Variants in IGSF3 observed in about 807,000 individuals in gnomAD.
IGSF3 encodes the protein glu-Trp-Ile EWI motif-containing protein 3.
IGSF3 carries 23 observed loss-of-function variants against 114.4 expected under a neutral mutation model. The ratio of observed to expected loss-of-function variants is 0.20; its 90% confidence interval spans 0.14 to 0.28. The LOEUF (loss-of-function observed/expected upper bound fraction) is 0.28. IGSF3 is among the 10% of genes least tolerant of loss of function. IGSF3 has a pLI of 1.00. For missense variants in IGSF3, 1,172 were observed against 1,591.5 expected, an observed-to-expected ratio of 0.74 and a Z score of 4.48; for synonymous variants, 571 against 645.2, an observed-to-expected ratio of 0.88 and a Z score of 1.74.
chr1:116,574,399 A>C (rs1226246560), downstream of IGSF3: 1 of 152,660 alleles, frequency 6.6e-6, no homozygotes, highest in Non-Finnish European at 1.5e-5. The surrounding 1 kb of genome is among the most constrained non-coding windows in gnomAD (Gnocchi z 5.2). Flanking sequence ...CAGTAAATGT[A>C]AACAGCCGTA....
chr1:116,603,921 G>A lies in IGSF3; in HGVS notation c.1327C>T (p.Arg443Cys), dbSNP rs777898801. The change falls in exon 6 of 11, where the codon CGC (arginine) becomes TGC (cysteine). Residue 443 changes from arginine (R) to cysteine (C), a missense_variant. By Grantham distance (180) the Arg-to-Cys change is radical. Transcript: ENST00000369486. This position sits in a 1 kb window ranked among gnomAD's most constrained non-coding sequence, Gnocchi z 7.1. The part of the protein sequence containing the change: ...SVRTAGRPQG[R>C]FSVIWQLVDR... The stretch of plus-strand genomic sequence containing the variant: ...ACAAGCTGCCAGATGACAGAGAAGC[G>A]ACCCTGCGGCCTGCCTGCCGTGCGG... The A allele has an allele frequency of 6.2e-6, 10 of 1,614,020 alleles. No individual in the cohort carries two copies. Among genetic ancestry groups the A allele is most frequent in the Admixed American group, 1.7e-5 (1 of 60,018 alleles).
rs1660435778 is a variant in IGSF3, at chr1:116,598,506, C to T, written c.2029+1435G>A. ...CAACTCACTTGTTCCAAATCTGGTACAGAACAGAACTCTGTTATGGGGTTA... is the reference window on the plus strand; with the variant it reads ...CAACTCACTTGTTCCAAATCTGGTATAGAACAGAACTCTGTTATGGGGTTA... On this transcript the variant is annotated intron_variant, in intron 7 of 10. Transcript: ENST00000369486. This position sits in a 1 kb window ranked among gnomAD's most constrained non-coding sequence, Gnocchi z 4.3. 6.6e-6 allele frequency among the ~76,000 whole-genome samples: 1 copy of T among 152,154 alleles called. No homozygotes were observed. The highest frequency in any genetic ancestry group is 2.4e-5 in the African/African-American group (1 of 41,444).
At chr1:116,581,673 C>T (rs867621202) in intron 9 of IGSF3, among the ~76,000 whole-genome samples, 1 of 152,224 alleles carries the variant, frequency 6.6e-6, no homozygotes, top group Non-Finnish European at 1.5e-5. Context: ...TCTCAGTGTG[C>T]ACTGCTGGCA....
chr1:116,666,614 A>ATTGTGTGCC lies in IGSF3; in HGVS notation c.-289_-288insGGCACACAA. 1.7e-6 allele frequency: 1 copy of ATTGTGTGCC among 595,264 alleles called. No individual in the cohort carries two copies. Among genetic ancestry groups the ATTGTGTGCC allele is most frequent in the Non-Finnish European group, 3.0e-6 (1 of 335,622 alleles). The allele number at this position is 595,264 out of a possible 1,614,324, so 36.9% of individuals were successfully genotyped here. ...CGTGTGCCTTGCAGTTTCCACTGAAATTGCAGACTGTAGTGGATTAATCCT... is the reference window on the plus strand; with the variant it reads ...CGTGTGCCTTGCAGTTTCCACTGAAATTGTGTGCCTTGCAGACTGTAGTGGATTAATCCT... On this transcript the variant is annotated 5_prime_UTR_variant, in exon 2 of 11. Transcript: ENST00000369486.
intron 2 of IGSF3, among the ~76,000 whole-genome samples, chr1:116,620,297 C>A (rs1322082177): frequency 6.6e-6 from 1 of 152,188 alleles, no homozygotes; most frequent in Non-Finnish European, 1.5e-5. Flanking sequence ...CCGCCCCAGC[C>A]TTAGACCTCC....
intron 7 of IGSF3, among the ~76,000 whole-genome samples, chr1:116,599,389 TATACAC>T (rs1016198611): frequency 8.3e-5 from 10 of 120,570 alleles, no homozygotes; most frequent in Admixed American, 4.1e-4. Flanking sequence ...GACACATACA[TATACAC>T]ACACACACAC....
At chr1:116,653,894 G>T (rs1475807383) in intron 2 of IGSF3, among the ~76,000 whole-genome samples, 1 of 152,252 alleles carries the variant, frequency 6.6e-6, no homozygotes, top group African/African-American at 2.4e-5. Flanking sequence ...GCACTGGGCA[G>T]CGTGCTCAGA....
At chr1:116,581,650 C>T (rs1659606229) in intron 9 of IGSF3, among the ~76,000 whole-genome samples, 1 of 152,200 alleles carries the variant, frequency 6.6e-6, no homozygotes, top group Non-Finnish European at 1.5e-5. Context: ...CCACCTCCTG[C>T]ACCCATCTGG....
Position 116,577,196 on chromosome 1 carries a change from C to T in IGSF3, c.*116G>A. On this transcript the variant is annotated 3_prime_UTR_variant, in exon 11 of 11. Coordinates refer to ENST00000369486, the MANE Select transcript of IGSF3 (RefSeq NM_001007237.3). The surrounding 1 kb of genome is among the most constrained non-coding windows in gnomAD (Gnocchi z 5.7). ...TGGGAACTTGGAACACTTTTCAAGT[C>T]TGACAACTTTCCACACACATGCACC... is the stretch of plus-strand genomic sequence containing the variant. 8.4e-7 allele frequency: 1 copy of T among 1,187,618 alleles called. No individual in the cohort carries two copies. Among genetic ancestry groups the T allele is most frequent in the Non-Finnish European group, 1.2e-6 (1 of 854,298 alleles). 73.6% of individuals were successfully genotyped at this position (1,187,618 alleles called of 1,614,324 possible).
rs576558883 is a variant in IGSF3, at chr1:116,627,619, G to A, written c.44-11162C>T. Among the ~76,000 whole-genome samples the A allele has an allele frequency of 1.2e-4, 18 of 152,338 alleles. No homozygotes were observed. Among genetic ancestry groups the A allele is most frequent in the African/African-American group, 4.3e-4 (18 of 41,572 alleles). On this transcript the variant is annotated intron_variant, in intron 2 of 10. Coordinates refer to ENST00000369486, the MANE Select transcript of IGSF3 (RefSeq NM_001007237.3). The surrounding 1 kb of genome is among the most constrained non-coding windows in gnomAD (Gnocchi z 4.7). The stretch of plus-strand genomic sequence containing the variant: ...GGCCGGGAGCGCATCTGCAGGCAGC[G>A]TCAGGATGTCAGCTACCAGGCAGCA...
chr1:116,631,790 G>A (rs1046021051), intron 2 of IGSF3, among the ~76,000 whole-genome samples: 1 of 152,170 alleles, frequency 6.6e-6, no homozygotes, highest in African/African-American at 2.4e-5. Context: ...AGGACATAGG[G>A]AGCAAAGGTC....
At chr1:116,599,415 CACACAA>C (rs1261752627) in intron 7 of IGSF3, among the ~76,000 whole-genome samples, 1 of 148,742 alleles carries the variant, frequency 6.7e-6, no homozygotes, top group African/African-American at 2.6e-5. Context: ...CACACACACA[CACACAA>C]ACACACAGGT....
intron 9 of IGSF3, among the ~76,000 whole-genome samples, chr1:116,581,208 C>T (rs148214224): frequency 2.0e-5 from 3 of 152,064 alleles, no homozygotes; most frequent in South Asian, 2.1e-4. Context: ...GGAGGATGTA[C>T]GCAAAGTGTC....
chr1:116,644,553 G>A lies in IGSF3; in HGVS notation c.43+21731C>T, dbSNP rs1225480868. Among the ~76,000 whole-genome samples the A allele has an allele frequency of 6.6e-6, 1 of 152,198 alleles. No individual in the cohort carries two copies. Among genetic ancestry groups the A allele is most frequent in the African/African-American group, 2.4e-5 (1 of 41,446 alleles). On this transcript the variant is annotated intron_variant, in intron 2 of 10. Transcript: ENST00000369486. This position sits in a 1 kb window ranked among gnomAD's most constrained non-coding sequence, Gnocchi z 5.6. The stretch of plus-strand genomic sequence containing the variant: ...GTAGGTGCCGTGAAAGCCAGGAAGC[G>A]AACTGCACAGAATGGACTGTTCCAG...
In IGSF3 at chr1:116,662,468, T is replaced by C. The variant is rs950387181; in HGVS notation, c.43+3816A>G. ...CTTACAGGGTTGTTTTGAAGACTGATTGATATAGTTGGGTCACAGTAAGGG... is the reference window on the plus strand; with the variant it reads ...CTTACAGGGTTGTTTTGAAGACTGACTGATATAGTTGGGTCACAGTAAGGG... On this transcript the variant is annotated intron_variant, in intron 2 of 10. Coordinates refer to ENST00000369486, the MANE Select transcript of IGSF3 (RefSeq NM_001007237.3). This position sits in a 1 kb window ranked among gnomAD's most constrained non-coding sequence, Gnocchi z 4.3. Among the ~76,000 whole-genome samples the C allele has an allele frequency of 2.0e-5, 3 of 152,180 alleles. No individual in the cohort carries two copies. The highest frequency in any genetic ancestry group is 2.1e-4 in the South Asian group (1 of 4,828).
At position 116,624,321 on chromosome 1, in the gene IGSF3, T is replaced by G. The variant is rs1177783412; in HGVS notation, c.44-7864A>C. On this transcript the variant is annotated intron_variant, in intron 2 of 10. Transcript: ENST00000369486. This position sits in a 1 kb window ranked among gnomAD's most constrained non-coding sequence, Gnocchi z 4.9. ...CGAATTCCTAAGTCTTCGCCTTCACTGACTTCCCACAGCATGGGCAGTAGC... is the reference window on the plus strand; with the variant it reads ...CGAATTCCTAAGTCTTCGCCTTCACGGACTTCCCACAGCATGGGCAGTAGC... Among the ~76,000 whole-genome samples, 3 of 152,310 alleles carry G rather than the reference T, an allele frequency of 2.0e-5. No homozygotes were observed. The highest frequency in any genetic ancestry group is 3.9e-4 in the East Asian group (2 of 5,168).
chr1:116,650,775 G>C lies in IGSF3; in HGVS notation c.43+15509C>G, dbSNP rs928655004. Among the ~76,000 whole-genome samples, 2 of 152,252 alleles carry C rather than the reference G, an allele frequency of 1.3e-5. No individual in the cohort carries two copies. The highest frequency in any genetic ancestry group is 4.8e-5 in the African/African-American group (2 of 41,460). On this transcript the variant is annotated intron_variant, in intron 2 of 10. Coordinates refer to ENST00000369486, the MANE Select transcript of IGSF3 (RefSeq NM_001007237.3). This position sits in a 1 kb window ranked among gnomAD's most constrained non-coding sequence, Gnocchi z 5.0. The stretch of plus-strand genomic sequence containing the variant: ...AAATTATCCTGTGGGTGTGAGAAAA[G>C]AGTGTGCATTATAATAGGGTGCTAC...
intron 2 of IGSF3, among the ~76,000 whole-genome samples, chr1:116,652,663 G>T (rs546584682): frequency 6.6e-6 from 1 of 152,306 alleles, no homozygotes; most frequent in African/African-American, 2.4e-5. Context: ...ACACACATAT[G>T]AAGTCACATT....
intron 2 of IGSF3, among the ~76,000 whole-genome samples, chr1:116,652,074 C>A (rs1379196813): frequency 6.6e-6 from 1 of 152,260 alleles, no homozygotes; most frequent in East Asian, 1.9e-4. Context: ...AGGTGAGGAT[C>A]CTGGACGTCA....
Sources: gnomAD v4.1 joint callset for allele counts (sites outside exome capture counted in the v4.1 genomes callset) on GRCh38, gnomAD v4.1.1 for gene constraint, Gnocchi (gnomAD v3.1) non-coding constraint, MANE v1.5 for transcripts, NCBI Gene and HGNC (gene_info 2026-07-23, HGNC 2026-07-21) for gene names.